The following DPYD variants were observed in gnomAD, a reference collection of about 807,000 sequenced individuals.
DPYD encodes dihydropyrimidine dehydrogenase.
A neutral mutation model predicts 116.2 loss-of-function variants in DPYD; 109 were observed. That is an observed-to-expected ratio of 0.94 (90% CI 0.80 to 1.10). The LOEUF (loss-of-function observed/expected upper bound fraction) is 1.10. DPYD is among the 50% of genes least tolerant of loss of function. The pLI is 0.00. For missense variants in DPYD, 1,302 were observed against 1,254.5 expected (o/e 1.04, Z -0.57); for synonymous variants, 440 against 432.0 (o/e 1.02, Z -0.23).
chr1:97,606,812 C>A (rs997288892), intron 8 of DPYD, among the ~76,000 whole-genome samples: 1 of 151,860 alleles, frequency 6.6e-6, no homozygotes, highest in African/African-American at 2.4e-5. Flanking sequence ...CTGCATAAAT[C>A]CAGATAAGAA....
intron 9 of DPYD, 112 bp from the exon 10 acceptor site, chr1:97,593,499 G>T: frequency 8.2e-7 from 1 of 1,224,928 alleles, no homozygotes; most frequent in Non-Finnish European, 1.2e-6. Flanking sequence ...CAGTTTTCCA[G>T]GATGAAGTGT....
intron 3 of DPYD, chr1:97,797,779 AT>A (rs890996578): frequency 2.6e-5 from 4 of 152,130 alleles, no homozygotes; most frequent in Admixed American, 6.6e-5. Flanking sequence ...CAGAAAAAAA[AT>A]ATGAACCCTT....
chr1:97,585,182 C>G (rs1654009773), intron 10 of DPYD, among the ~76,000 whole-genome samples: 1 of 151,966 alleles, frequency 6.6e-6, no homozygotes, highest in Non-Finnish European at 1.5e-5. Flanking sequence ...AGTCAGATAC[C>G]AAGTTGAATT....
chr1:97,862,003 T>G (rs574570474), intron 2 of DPYD, among the ~76,000 whole-genome samples: 1 of 151,846 alleles, frequency 6.6e-6, no homozygotes, highest in East Asian at 1.9e-4. Context: ...ACAATGAAAA[T>G]ATTCATGAAT....
chr1:97,223,819 G>A (rs1660936701), intron 19 of DPYD, among the ~76,000 whole-genome samples: 1 of 151,984 alleles, frequency 6.6e-6, no homozygotes, highest in Non-Finnish European at 1.5e-5. Flanking sequence ...AAAAGCCAAT[G>A]TTAATTTATT....
chr1:97,678,478 C>T (rs997957520), intron 8 of DPYD, among the ~76,000 whole-genome samples: 1 of 152,090 alleles, frequency 6.6e-6, no homozygotes, highest in East Asian at 1.9e-4. Context: ...AAGACTAAGT[C>T]AAGCCAACTT....
At chr1:97,703,175 G>A (rs185975851) in intron 5 of DPYD, among the ~76,000 whole-genome samples, 4 of 151,786 alleles carry the variant, frequency 2.6e-5, no homozygotes, top group Non-Finnish European at 5.9e-5. Context: ...GGTTTTCCCC[G>A]AGTTTAACAG....
At chr1:97,231,399 T>C (rs2100735516) in intron 19 of DPYD, among the ~76,000 whole-genome samples, 1 of 152,320 alleles carries the variant, frequency 6.6e-6, no homozygotes, top group African/African-American at 2.4e-5. Flanking sequence ...GAAAGAGGTC[T>C]AATTGACTCA....
intron 8 of DPYD, among the ~76,000 whole-genome samples, chr1:97,614,547 T>C (rs943859029): frequency 2.0e-5 from 3 of 152,060 alleles, no homozygotes; most frequent in South Asian, 2.1e-4. Context: ...CAAAATTTTA[T>C]AGCTAATTAT....
intron 16 of DPYD, among the ~76,000 whole-genome samples, chr1:97,367,728 A>G (rs889794223): frequency 3.3e-5 from 5 of 152,156 alleles, no homozygotes; most frequent in African/African-American, 1.2e-4. Flanking sequence ...AAATGAGTGT[A>G]TACTAAATAG....
intron 13 of DPYD, among the ~76,000 whole-genome samples, chr1:97,513,193 T>TAC (rs916736103): frequency 2.0e-5 from 3 of 151,508 alleles, no homozygotes; most frequent in East Asian, 1.9e-4. Context: ...TATATATATA[T>TAC]ACAGGATGAA....
At chr1:97,091,667 C>T (rs1649906089) in intron 21 of DPYD, among the ~76,000 whole-genome samples, 1 of 152,092 alleles carries the variant, frequency 6.6e-6, no homozygotes, top group South Asian at 2.1e-4. Flanking sequence ...ACTGTGGCTC[C>T]TAGAATTTGA....
intron 2 of DPYD, among the ~76,000 whole-genome samples, chr1:97,858,111 G>A (rs752659486): frequency 8.6e-5 from 13 of 151,884 alleles, no homozygotes; most frequent in East Asian, 1.9e-4. Flanking sequence ...TGCTTTTCTC[G>A]TCTCTTTACT....
At chr1:97,308,341 G>A (rs908892210) in intron 16 of DPYD, 1 of 151,716 alleles carries the variant, frequency 6.6e-6, no homozygotes, top group Non-Finnish European at 1.5e-5. Flanking sequence ...GACCCTCCAT[G>A]AGTAAAGTTG....
intron 14 of DPYD, among the ~76,000 whole-genome samples, chr1:97,410,105 A>C (rs1249069727): frequency 5.3e-5 from 8 of 150,942 alleles, no homozygotes; most frequent in Admixed American, 6.6e-5. Context: ...AAAAAAAAAA[A>C]CTACAAACGA....
At chr1:97,243,241 A>G (rs1020640235) in intron 18 of DPYD, among the ~76,000 whole-genome samples, 2 of 151,958 alleles carry the variant, frequency 1.3e-5, no homozygotes, top group African/African-American at 2.4e-5. Context: ...TAGTTTTCCA[A>G]CAGATACCAG....
intron 8 of DPYD, among the ~76,000 whole-genome samples, chr1:97,628,793 G>A (rs920230769): frequency 2.6e-5 from 4 of 151,948 alleles, no homozygotes; most frequent in Non-Finnish European, 5.9e-5. Context: ...AATGTACTAC[G>A]TACTAGTAAT....
In DPYD at chr1:97,363,424, T is replaced by C. The variant is rs542909354; in HGVS notation, c.2058+10137A>G. Reference sequence around the variant, plus strand: ...TGTCAAGGATCTAGAACTAGAAATATCATTTGACCCAGTGATCCCATTACT... The same window carrying C: ...TGTCAAGGATCTAGAACTAGAAATACCATTTGACCCAGTGATCCCATTACT... On this transcript the variant is annotated intron_variant, in intron 16 of 22. Coordinates refer to ENST00000370192, the MANE Select transcript of DPYD (RefSeq NM_000110.4). Among the ~76,000 whole-genome samples, 20 of 152,214 alleles carry C rather than the reference T, an allele frequency of 1.3e-4. No individual in the cohort carries two copies. The East Asian group carries it at 3.7e-3, about 28-fold the overall frequency.
chr1:97,444,172 A>T (rs866024845), intron 14 of DPYD, among the ~76,000 whole-genome samples: 6 of 152,206 alleles, frequency 3.9e-5, no homozygotes, highest in African/African-American at 1.4e-4. Flanking sequence ...TCCTTGTCAG[A>T]TCATTTGTTT....
Sources: allele counts gnomAD v4.1 joint callset (sites outside exome capture counted in the v4.1 genomes callset), GRCh38; gene constraint gnomAD v4.1.1; transcripts MANE v1.5; gene names NCBI Gene and HGNC (gene_info 2026-07-23, HGNC 2026-07-21).